The following TBCK variants were observed in gnomAD, a reference collection of about 807,000 sequenced individuals.
The protein encoded by TBCK is TBC domain-containing protein kinase-like protein.
TBCK carries 99 observed loss-of-function variants against 113.4 expected under a neutral mutation model. That is an observed-to-expected ratio of 0.87 (90% CI 0.74 to 1.03). The LOEUF is 1.03. TBCK is among the 50% of genes least tolerant of loss of function. The pLI, the probability that TBCK is intolerant of heterozygous loss-of-function variation, is 0.00. For missense variants in TBCK, 1,045 were observed against 1,061.3 expected (o/e 0.98, Z 0.21); for synonymous variants, 369 against 370.8 (o/e 1.00, Z 0.05).
At chr4:106,237,986 T>G (rs1759665978) in intron 12 of TBCK, among the ~76,000 whole-genome samples, 1 of 152,040 alleles carries the variant, frequency 6.6e-6, no homozygotes, top group Non-Finnish European at 1.5e-5. Flanking sequence ...TTATATGGTT[T>G]CCATATCATT....
rs549353114 is a variant in TBCK at position 106,269,623 on chromosome 4, A to G, written c.267-7411T>C. ...TCAGATGTTTTGAAATGGAAATTGC[A>G]TTGATAAACTGCTACCTAAAGATTG... is the stretch of plus-strand genomic sequence containing the variant. On this transcript the variant is annotated intron_variant, in intron 3 of 25. Transcript: ENST00000394708. 3.3e-5 allele frequency among the ~76,000 whole-genome samples: 5 copies of G among 152,318 alleles called. No individual in the cohort carries two copies. In the South Asian group the frequency reaches 1.0e-3, roughly 32 times the overall value.
intron 25 of TBCK, among the ~76,000 whole-genome samples, chr4:106,092,560 A>G (rs1462741705): frequency 6.6e-6 from 1 of 152,208 alleles, no homozygotes; most frequent in East Asian, 1.9e-4. Context: ...GCAGGCAGCT[A>G]AGGCCCGGTG....
intron 5 of TBCK, among the ~76,000 whole-genome samples, chr4:106,252,475 T>G (rs187487653): frequency 1.5e-4 from 23 of 152,254 alleles, no homozygotes; most frequent in Non-Finnish European, 3.1e-4. Context: ...TACATATTTA[T>G]GTATATATAA....
chr4:106,271,806 G>A (rs937876214), intron 3 of TBCK, among the ~76,000 whole-genome samples: 1 of 150,974 alleles, frequency 6.6e-6, no homozygotes, highest in Non-Finnish European at 1.5e-5. Context: ...GTATAAGTCA[G>A]TATCTCATAT....
At chr4:106,235,483 G>C (rs892593873) in intron 14 of TBCK, 116 bp from the exon 15 acceptor site, 3 of 538,248 alleles carry the variant, frequency 5.6e-6, no homozygotes, top group Non-Finnish European at 9.3e-6. Flanking sequence ...AAATTTCAAA[G>C]TATGTGCAAT....
At position 106,115,723 on chromosome 4, in the gene TBCK, A is replaced by G. The variant is rs182260796; in HGVS notation, c.2411+480T>C. Among the ~76,000 whole-genome samples the G allele has an allele frequency of 2.5e-3, 387 of 152,358 alleles. 7 individuals carry two copies. In the East Asian group the frequency reaches 0.028, roughly 11 times the overall value. On this transcript the variant is annotated intron_variant, in intron 24 of 25. Transcript: ENST00000394708. ...ACCCACTGGATGTTACAGTATGTTC[A>G]ATAGTAAAATCTTCGTAAATAACAT...
At chr4:106,236,602 A>G in intron 13 of TBCK, 83 bp from the exon 14 acceptor site, 2 of 1,236,448 alleles carry the variant, frequency 1.6e-6, no homozygotes, top group East Asian at 5.9e-5. Flanking sequence ...CTCTACCAAC[A>G]GTGATTTCAG....
At chr4:106,140,427 G>C (rs1255207190) in intron 23 of TBCK, among the ~76,000 whole-genome samples, 1 of 140,712 alleles carries the variant, frequency 7.1e-6, no homozygotes, top group African/African-American at 2.5e-5. Context: ...TAAAACACAT[G>C]AGGCTACTTT....
chr4:106,241,140 A>G (rs572610133), intron 12 of TBCK, among the ~76,000 whole-genome samples: 70 of 151,998 alleles, frequency 4.6e-4, no homozygotes, highest in Non-Finnish European at 9.1e-4. Context: ...AATCATACTC[A>G]TACTTACATA....
At chr4:106,099,516 C>A (rs1741301152) in intron 24 of TBCK, among the ~76,000 whole-genome samples, 1 of 151,960 alleles carries the variant, frequency 6.6e-6, no homozygotes, top group Non-Finnish European at 1.5e-5. Flanking sequence ...GAAATTAAAC[C>A]CACAGTTCTC....
At chr4:106,109,509 A>C (rs1742572544) in intron 24 of TBCK, among the ~76,000 whole-genome samples, 1 of 152,186 alleles carries the variant, frequency 6.6e-6, no homozygotes, top group Admixed American at 6.5e-5. Flanking sequence ...AAGCTGACAG[A>C]AAACAAGAAA....
At chr4:106,122,965 C>A (rs1432695787) in intron 23 of TBCK, among the ~76,000 whole-genome samples, 1 of 152,204 alleles carries the variant, frequency 6.6e-6, no homozygotes, top group Admixed American at 6.5e-5. Flanking sequence ...AAAACTGGCA[C>A]AAGACAGGGA....
rs199706553 is a variant in TBCK, at chr4:106,178,308, A to AT, written c.2060-7039dup. Among the ~76,000 whole-genome samples, 11 of 151,294 alleles carry AT rather than the reference A, an allele frequency of 7.3e-5. No individual in the cohort carries two copies. The East Asian group carries it at 7.8e-4, about 11-fold the overall frequency. ...TCTTTCTTTCCAATTGAATGTGTTA[A>AT]TTTTTTTTTCTGTTGCCTAATTGCT... On this transcript the variant is annotated intron_variant, in intron 22 of 25. Coordinates refer to ENST00000394708, the MANE Select transcript of TBCK (RefSeq NM_001163435.3).
At chr4:106,295,060 C>A (rs1298384799) in intron 3 of TBCK, 34 bp downstream of exon 3, 8 of 1,527,198 alleles carry the variant, frequency 5.2e-6, no homozygotes, top group African/African-American at 2.8e-5. Context: ...CCAAGTTCTG[C>A]TTTTCATTTA....
chr4:106,232,069 C>T (rs1758914000), intron 17 of TBCK, among the ~76,000 whole-genome samples: 1 of 151,658 alleles, frequency 6.6e-6, no homozygotes, highest in South Asian at 2.1e-4. Context: ...GATATTGTCC[C>T]ATCTCTGACT....
At chr4:106,272,847 T>C (rs902706685) in intron 3 of TBCK, among the ~76,000 whole-genome samples, 8 of 152,154 alleles carry the variant, frequency 5.3e-5, no homozygotes, top group African/African-American at 1.7e-4. Flanking sequence ...AAAGATGTAA[T>C]AGAATATAAG....
At chr4:106,212,662 C>T (rs961240749) in intron 20 of TBCK, 88 bp downstream of exon 20, 7 of 969,468 alleles carry the variant, frequency 7.2e-6, no homozygotes, top group Admixed American at 2.3e-5. Flanking sequence ...ACTATGACAA[C>T]AAAAATTAAG....
intron 23 of TBCK, among the ~76,000 whole-genome samples, chr4:106,145,343 CA>C (rs1214475899): frequency 1.3e-5 from 2 of 152,002 alleles, no homozygotes; most frequent in Non-Finnish European, 2.9e-5. Context: ...CAAAACAAAA[CA>C]AAAAAACTTG....
At chr4:106,154,949 G>T (rs1307591876) in intron 23 of TBCK, among the ~76,000 whole-genome samples, 1 of 151,266 alleles carries the variant, frequency 6.6e-6, no homozygotes, top group Non-Finnish European at 1.5e-5. Context: ...ACTATTACTA[G>T]TGAGTTTTTT....
Sources: gnomAD v4.1 joint callset for allele counts (sites outside exome capture counted in the v4.1 genomes callset) on GRCh38, gnomAD v4.1.1 for gene constraint, MANE v1.5 for transcripts, NCBI Gene and HGNC (gene_info 2026-07-23, HGNC 2026-07-21) for gene names.